The following ELSPBP1 variants were observed in gnomAD, a reference collection of about 807,000 sequenced individuals.
The protein encoded by ELSPBP1 is epididymal sperm-binding protein 1.
ELSPBP1 carries 38 observed loss-of-function variants against 33.3 expected under a neutral mutation model. The ratio of observed to expected loss-of-function variants is 1.14; its 90% CI spans 0.88 to 1.50. The LOEUF is 1.50. Ranked by LOEUF, ELSPBP1 falls within the 40% of genes most tolerant of loss-of-function variation. ELSPBP1 has a pLI of 0.00. For synonymous variants in ELSPBP1, 85 were observed against 94.1 expected, an observed-to-expected ratio of 0.90 and a Z score of 0.56; for missense variants, 267 against 263.5, an observed-to-expected ratio of 1.01 and a Z score of -0.09.
intron 4 of ELSPBP1, among the ~76,000 whole-genome samples, chr19:48,016,748 A>G (rs1164150492): frequency 6.6e-6 from 1 of 151,620 alleles, no homozygotes; most frequent in African/African-American, 2.4e-5. Context: ...GCAGGCGCCC[A>G]CCACCACACC....
At chr19:48,009,889 A>G (rs1284323099) in intron 2 of ELSPBP1, among the ~76,000 whole-genome samples, 1 of 152,112 alleles carries the variant, frequency 6.6e-6, no homozygotes, top group African/African-American at 2.4e-5. Flanking sequence ...TACATCCTGG[A>G]GCCCCAACAT....
At chr19:48,023,529 G>GGGGACGGA (rs143871056) in intron 6 of ELSPBP1, among the ~76,000 whole-genome samples, 1 of 106,892 alleles carries the variant, frequency 9.4e-6, no homozygotes. Flanking sequence ...GGAAGGAAGG[G>GGGGACGGA]AGGAAGGAAA....
intron 2 of ELSPBP1, among the ~76,000 whole-genome samples, chr19:48,010,335 C>T (rs1365533688): frequency 6.6e-6 from 1 of 152,146 alleles, no homozygotes; most frequent in Admixed American, 6.5e-5. Flanking sequence ...CTCCCTGAGA[C>T]CACACCCACA....
At chr19:48,003,303 C>T (rs1966984763) in intron 1 of ELSPBP1, among the ~76,000 whole-genome samples, 1 of 151,728 alleles carries the variant, frequency 6.6e-6, no homozygotes, top group African/African-American at 2.4e-5. Flanking sequence ...TTGCACAGAA[C>T]TCTTTATTGC....
chr19:48,005,982 A>G (rs1568404104), intron 1 of ELSPBP1, among the ~76,000 whole-genome samples: 1 of 152,082 alleles, frequency 6.6e-6, no homozygotes, highest in Non-Finnish European at 1.5e-5. Flanking sequence ...GTGTTTTGAG[A>G]CAGAGCCTTG....
At chr19:48,024,434 T>C (rs1967248724) in intron 6 of ELSPBP1, among the ~76,000 whole-genome samples, 1 of 152,104 alleles carries the variant, frequency 6.6e-6, no homozygotes, top group Non-Finnish European at 1.5e-5. Context: ...CCATCCCTCC[T>C]CCCTTTGGGG....
At chr19:47,998,051 T>A (rs1434134911) in intron 1 of ELSPBP1, among the ~76,000 whole-genome samples, 2 of 152,154 alleles carry the variant, frequency 1.3e-5, no homozygotes, top group African/African-American at 4.8e-5. Context: ...GACCTAGGTT[T>A]GCTAGTGTCA....
chr19:48,016,500 CTTTCT>C, intron 4 of ELSPBP1, among the ~76,000 whole-genome samples: 2 of 99,490 alleles, frequency 2.0e-5, no homozygotes, highest in African/African-American at 7.9e-5. Flanking sequence ...TTCTTTCTTT[CTTTCT>C]TTCTTTCTTT....
chr19:48,023,360 G>C (rs1967225360), intron 6 of ELSPBP1, among the ~76,000 whole-genome samples: 1 of 125,720 alleles, frequency 8.0e-6, no homozygotes, highest in South Asian at 3.0e-4. Context: ...AAAGAAGGAA[G>C]GGAGGAAGGA....
At chr19:48,015,851 A>T in intron 3 of ELSPBP1, 42 bp from the exon 4 acceptor site, 1 of 1,564,586 alleles carries the variant, frequency 6.4e-7, no homozygotes, top group Non-Finnish European at 8.8e-7. Flanking sequence ...CCTGTGAACG[A>T]CTAGAGGAAG....
intron 1 of ELSPBP1, among the ~76,000 whole-genome samples, chr19:48,003,485 G>T (rs1966986434): frequency 1.3e-5 from 2 of 151,696 alleles, no homozygotes; most frequent in African/African-American, 4.8e-5. Context: ...ATGGACTAGG[G>T]ATTGTATTCT....
At chr19:48,004,531 C>A (rs951258593) in intron 1 of ELSPBP1, among the ~76,000 whole-genome samples, 1 of 152,164 alleles carries the variant, frequency 6.6e-6, no homozygotes. Flanking sequence ...GTTTCCACGT[C>A]GGCTTCTCCT....
At position 48,008,530 on chromosome 19, in the gene ELSPBP1, G is replaced by C. The variant is rs1230398204; in HGVS notation, c.-17-121G>C. 4.5e-6 allele frequency: 3 copies of C among 672,496 alleles called. No individual in the cohort carries two copies. In the South Asian group the frequency reaches 5.6e-5, roughly 12 times the overall value. The allele number at this position is 672,496 out of a possible 1,614,324, so 41.7% of individuals were successfully genotyped here. On this transcript the variant is annotated intron_variant, in intron 1 of 6. Transcript: ENST00000339841. ...ATTACAGGTGTGAGCTACCATGCCT[G>C]GTCTATTTTTTAAATTACTGTGGAT...
Position 48,008,692 on chromosome 19 carries a change from T to C in ELSPBP1, c.25T>C (p.Leu9=). MTRWSSYL[L]GWTTFLLYSY... Reference sequence around the variant, plus strand: ...GATGACCCGATGGTCCAGTTACCTGTTGGGATGGACAACCTTCCTTCTCTA... The same window carrying C: ...GATGACCCGATGGTCCAGTTACCTGCTGGGATGGACAACCTTCCTTCTCTA... The change falls in exon 2 of 7, where the codon TTG becomes CTG. Residue 9 remains leucine (L), a synonymous_variant. Coordinates refer to ENST00000339841, the MANE Select transcript of ELSPBP1 (RefSeq NM_022142.5). 6.2e-7 allele frequency: 1 copy of C among 1,613,770 alleles called. No individual in the cohort carries two copies. The highest frequency in any genetic ancestry group is 1.1e-5 in the South Asian group (1 of 91,028).
rs1465395585 is a variant in ELSPBP1, at chr19:48,011,202, AATG to A, written c.70+2473_70+2475del. 7.9e-6 allele frequency among the ~76,000 whole-genome samples: 1 copy of A among 126,846 alleles called. No homozygotes were observed. The highest frequency in any genetic ancestry group is 3.0e-5 in the African/African-American group (1 of 33,792). 83.2% of individuals were successfully genotyped at this position (126,846 alleles called of 152,430 possible). A position where few individuals can be genotyped will look rare whatever the true frequency, so the allele number is the denominator to read the frequency against. ...AAATAATGATTACAATAATGATGAC[AATG>A]ATGATGAGAATGACAATAATGGGGT... is the stretch of plus-strand genomic sequence containing the variant. On this transcript the variant is annotated intron_variant, in intron 2 of 6. Coordinates refer to ENST00000339841, the MANE Select transcript of ELSPBP1 (RefSeq NM_022142.5). The surrounding 1 kb of genome is among the most constrained non-coding windows in gnomAD (Gnocchi z 4.5).
intron 6 of ELSPBP1, among the ~76,000 whole-genome samples, chr19:48,023,281 GA>G (rs1967223065): frequency 7.2e-6 from 1 of 138,980 alleles, no homozygotes; most frequent in South Asian, 2.6e-4. Flanking sequence ...AAGAAGAAAG[GA>G]GGGAGGAAAG....
chr19:48,023,532 G>GAAGGAAGAAAGGAGGGAAGT (rs1555736363), intron 6 of ELSPBP1, among the ~76,000 whole-genome samples: 1 of 108,048 alleles, frequency 9.3e-6, no homozygotes, highest in Non-Finnish European at 2.0e-5. Flanking sequence ...AGGAAGGGAG[G>GAAGGAAGAAAGGAGGGAAGT]AAGGAAAGAA....
intron 1 of ELSPBP1, among the ~76,000 whole-genome samples, chr19:48,005,577 G>A (rs148339060): frequency 2.7e-4 from 41 of 152,338 alleles, no homozygotes; most frequent in African/African-American, 9.6e-4. Flanking sequence ...TGAGATGCTT[G>A]AAGGACATCT....
intron 1 of ELSPBP1, among the ~76,000 whole-genome samples, chr19:48,000,397 C>G (rs1045858148): frequency 1.3e-5 from 2 of 151,966 alleles, no homozygotes; most frequent in African/African-American, 4.8e-5. Context: ...CGTGCCACCA[C>G]GCCCAGCTAA....
Sources: gnomAD v4.1 joint callset for allele counts (sites outside exome capture counted in the v4.1 genomes callset) on GRCh38, gnomAD v4.1.1 for gene constraint, Gnocchi (gnomAD v3.1) non-coding constraint, MANE v1.5 for transcripts, NCBI Gene and HGNC (gene_info 2026-07-23, HGNC 2026-07-21) for gene names.